The following UGGT2 variants were observed in gnomAD, a reference collection of about 807,000 sequenced individuals.
The protein encoded by UGGT2 is UDP-glucose glycoprotein glucosyltransferase 2, also known as UDP-glucose:glycoprotein glucosyltransferase 2.
In UGGT2, 180 loss-of-function variants were observed where a neutral mutation model predicts 192.1. That is an observed-to-expected ratio of 0.94 (90% CI 0.83 to 1.06). The LOEUF (loss-of-function observed/expected upper bound fraction) is 1.06, where lower values mean the gene tolerates loss of function less well. Ranked by LOEUF, UGGT2 falls within the 50% of genes least tolerant of loss-of-function variation. The pLI, the probability that UGGT2 is intolerant of heterozygous loss-of-function variation, is 0.00. For synonymous variants in UGGT2, 580 were observed against 591.0 expected (o/e 0.98, Z 0.27); for missense variants, 1,849 against 1,795.7 (o/e 1.03, Z -0.54).
chr13:96,028,747 A>G (rs2052739758), intron 2 of UGGT2, among the ~76,000 whole-genome samples: 1 of 152,206 alleles, frequency 6.6e-6, no homozygotes, highest in South Asian at 2.1e-4. Context: ...TTTAGTAAAG[A>G]GTATTTAGAA....
At chr13:96,051,857 G>C (rs1232162382) in intron 1 of UGGT2, among the ~76,000 whole-genome samples, 2 of 152,100 alleles carry the variant, frequency 1.3e-5, no homozygotes, top group Non-Finnish European at 2.9e-5. Context: ...CAGCGAACAG[G>C]GAACACTTCT....
Position 95,891,996 on chromosome 13 carries a change from T to C in UGGT2, c.2856-1032A>G, listed in dbSNP as rs562018669. On this transcript the variant is annotated intron_variant, in intron 24 of 38. Coordinates refer to ENST00000376747, the MANE Select transcript of UGGT2 (RefSeq NM_020121.4). ...GACAACAGACCTTAATGGATAATTA[T>C]TGCTAGACCTAAGAGCCACAAATCA... Among the ~76,000 whole-genome samples, 65 of 152,284 alleles carry C rather than the reference T, an allele frequency of 4.3e-4. No homozygotes were observed. In the South Asian group the frequency reaches 8.3e-3, roughly 19 times the overall value.
rs765131571 is a variant in UGGT2 at position 95,854,425 on chromosome 13, A to G, written c.4059T>C (p.Ala1353=). The G allele has an allele frequency of 1.1e-5, 17 of 1,611,988 alleles. No homozygotes were observed. In the African/African-American group the frequency reaches 2.3e-4, roughly 22 times the overall value. Residue 1353 remains alanine (A), a synonymous_variant, in exon 35 of 39, where the codon GCT becomes GCC. Transcript: ENST00000376747. ...CACAAAATGGAGTATACCCATAAGG[A>G]GCTCCATCCAGATCGAAATCTCGAA... is the stretch of plus-strand genomic sequence containing the variant. ...KELRDFDLDG[A]PYGYTPFCDS... is the part of the protein sequence containing the mutation.
chr13:95,927,470 C>CT (rs869027577), intron 17 of UGGT2, 134 bp from the exon 18 acceptor site: 7,045 of 242,424 alleles, frequency 0.029, no homozygotes, highest in South Asian at 0.036. Flanking sequence ...CATTTTCTTT[C>CT]TTTTTTTTTT....
At chr13:95,863,208 T>C (rs1042457525) in intron 31 of UGGT2, among the ~76,000 whole-genome samples, 36 of 152,182 alleles carry the variant, frequency 2.4e-4, no homozygotes, top group Non-Finnish European at 4.4e-4. Context: ...GGTATCAATC[T>C]AACATAAACA....
chr13:96,048,538 T>C (rs904539625), intron 1 of UGGT2, among the ~76,000 whole-genome samples: 6 of 151,836 alleles, frequency 4.0e-5, no homozygotes, highest in African/African-American at 1.4e-4. Context: ...AAAATATCAA[T>C]GAATTCAGGA....
intron 29 of UGGT2, among the ~76,000 whole-genome samples, chr13:95,873,321 C>T (rs552064107): frequency 2.9e-4 from 44 of 152,314 alleles, no homozygotes; most frequent in African/African-American, 9.9e-4. Context: ...ATATAATAGT[C>T]ACTCATTTTC....
At chr13:95,849,710 T>C (rs1888835847) in intron 36 of UGGT2, among the ~76,000 whole-genome samples, 1 of 151,806 alleles carries the variant, frequency 6.6e-6, no homozygotes, top group Admixed American at 6.6e-5. Context: ...GGTTCAGGGG[T>C]ACATGTACAA....
At chr13:95,943,870 G>A (rs2049775625) in intron 15 of UGGT2, among the ~76,000 whole-genome samples, 1 of 151,880 alleles carries the variant, frequency 6.6e-6, no homozygotes, top group Non-Finnish European at 1.5e-5. Context: ...TAAAAACAAT[G>A]CTTTCTATCA....
chr13:95,905,888 G>C (rs1252416415), intron 20 of UGGT2, among the ~76,000 whole-genome samples: 1 of 152,034 alleles, frequency 6.6e-6, no homozygotes. Context: ...CAATTTTTGT[G>C]TATGACGTGA....
intron 25 of UGGT2, among the ~76,000 whole-genome samples, chr13:95,890,363 C>G (rs2047765265): frequency 6.6e-6 from 1 of 152,056 alleles, no homozygotes; most frequent in African/African-American, 2.4e-5. Flanking sequence ...GCTGGGAATT[C>G]CAAGATCAAG....
rs1276340197 is a variant in UGGT2 at position 95,854,432 on chromosome 13, T to C, written c.4052A>G (p.Asp1351Gly). Residue 1351 changes from aspartate (D) to glycine (G), a missense_variant, in exon 35 of 39, where the codon GAT (aspartate) becomes GGT (glycine). Transcript: ENST00000376747. ...TGGAGTATACCCATAAGGAGCTCCA[T>C]CCAGATCGAAATCTCGAAGTTCTTT... is the stretch of plus-strand genomic sequence containing the variant. Reference protein sequence around the residue: ...DLKELRDFDLDGAPYGYTPFC... With the variant: ...DLKELRDFDLGGAPYGYTPFC... The C allele has an allele frequency of 1.2e-6, 2 of 1,612,110 alleles. No homozygotes were observed. Among genetic ancestry groups the C allele is most frequent in the South Asian group, 1.1e-5 (1 of 90,456 alleles).
rs79130913 is a variant in UGGT2 at position 95,915,261 on chromosome 13, T to C, written c.2295+10419A>G. ...AATGAGGCGTATCCTGCCAACTTTATTTAAAATTGTAATCTGTCTGCAACC... is the reference window on the plus strand; with the variant it reads ...AATGAGGCGTATCCTGCCAACTTTACTTAAAATTGTAATCTGTCTGCAACC... On this transcript the variant is annotated intron_variant, in intron 20 of 38. Coordinates refer to ENST00000376747, the MANE Select transcript of UGGT2 (RefSeq NM_020121.4). 4.5e-3 allele frequency among the ~76,000 whole-genome samples: 681 copies of C among 152,326 alleles called. 10 individuals carry two copies. The East Asian group carries it at 0.045, about 10-fold the overall frequency.
At chr13:95,838,155 A>G (rs1887502544) in intron 36 of UGGT2, among the ~76,000 whole-genome samples, 1 of 152,212 alleles carries the variant, frequency 6.6e-6, no homozygotes, top group African/African-American at 2.4e-5. Context: ...TTTTCTATAT[A>G]CCAGCAATGA....
intron 7 of UGGT2, among the ~76,000 whole-genome samples, chr13:95,995,703 A>G (rs521235): frequency 0.36 from 54,397 of 152,028 alleles, 10,552 homozygotes; most frequent in Admixed American, 0.44. Context: ...ACAAGATGTG[A>G]AAAAAACAGC....
chr13:96,029,785 T>G (rs957686118), intron 2 of UGGT2, among the ~76,000 whole-genome samples: 1 of 152,152 alleles, frequency 6.6e-6, no homozygotes, highest in Non-Finnish European at 1.5e-5. Context: ...TAAAATGAAT[T>G]TGAAATTTAC....
intron 38 of UGGT2, among the ~76,000 whole-genome samples, chr13:95,811,371 A>G (rs1884575829): frequency 6.6e-6 from 1 of 152,202 alleles, no homozygotes; most frequent in East Asian, 1.9e-4. Context: ...ATGACACTGG[A>G]CAATCCTATC....
At chr13:95,856,697 C>A (rs1889651886) in intron 33 of UGGT2, 1 of 413,122 alleles carries the variant, frequency 2.4e-6, no homozygotes, top group Non-Finnish European at 4.6e-6. Context: ...ACCTACATAT[C>A]AAATAGTTCA....
At chr13:95,998,590 C>G (rs557550469) in intron 6 of UGGT2, among the ~76,000 whole-genome samples, 1 of 151,914 alleles carries the variant, frequency 6.6e-6, no homozygotes, top group African/African-American at 2.4e-5. Flanking sequence ...ATAAATTTGA[C>G]ATGAACCAGG....
Sources: allele counts gnomAD v4.1 joint callset (sites outside exome capture counted in the v4.1 genomes callset), GRCh38; gene constraint gnomAD v4.1.1; transcripts MANE v1.5; gene names NCBI Gene and HGNC (gene_info 2026-07-23, HGNC 2026-07-21).